Variants in ANKAR observed in about 807,000 individuals in gnomAD.
ANKAR encodes the protein ankyrin and armadillo repeat-containing protein.
ANKAR carries 136 observed loss-of-function variants against 146.2 expected under a neutral mutation model. The observed-to-expected ratio is 0.93, with a 90% CI of 0.81 to 1.07. The LOEUF is 1.07. ANKAR is among the 50% of genes least tolerant of loss of function. ANKAR has a pLI of 0.00. For missense variants in ANKAR, 1,567 were observed against 1,679.9 expected (o/e 0.93, Z 1.18); for synonymous variants, 500 against 575.8 (o/e 0.87, Z 1.88).
downstream of ANKAR, among the ~76,000 whole-genome samples, chr2:189,748,034 G>A (rs528774724): frequency 1.3e-5 from 2 of 152,172 alleles, no homozygotes; most frequent in African/African-American, 4.8e-5. Flanking sequence ...TTGCTGAATT[G>A]CCTCCATACA....
intron 1 of ANKAR, chr2:189,676,138 T>C (rs918548051): frequency 4.8e-6 from 1 of 209,480 alleles, no homozygotes; most frequent in Admixed American, 5.2e-5. Flanking sequence ...AAAGAATGCC[T>C]CTCCAACAAC....
chr2:189,689,874 A>G lies in ANKAR; in HGVS notation c.949A>G (p.Lys317Glu). ...KDIRRGIGYL[K>E]LICFLIPFLL... ...TATCAGAAGAGGGATAGGATACCTAAAGTTAATATGTTTTCTGATTCCATT... is the reference window on the plus strand; with the variant it reads ...TATCAGAAGAGGGATAGGATACCTAGAGTTAATATGTTTTCTGATTCCATT... The change falls in exon 3 of 23, where the codon AAG becomes GAG. Residue 317 changes from lysine to glutamate, a missense_variant. Physicochemically the swap from Lys to Glu is moderately conservative, Grantham distance 56. Transcript: ENST00000684021. The G allele has an allele frequency of 6.3e-7, 1 of 1,591,244 alleles. No individual in the cohort carries two copies. Among genetic ancestry groups the G allele is most frequent in the Non-Finnish European group, 8.5e-7 (1 of 1,172,330 alleles).
chr2:189,700,463 A>G (rs1348531927), intron 7 of ANKAR, among the ~76,000 whole-genome samples: 1 of 152,176 alleles, frequency 6.6e-6, no homozygotes, highest in African/African-American at 2.4e-5. Context: ...AGATTTTTTG[A>G]TACAGGCATG....
intron 2 of ANKAR, among the ~76,000 whole-genome samples, chr2:189,678,527 G>T (rs2034127816): frequency 6.6e-6 from 1 of 152,134 alleles, no homozygotes; most frequent in Admixed American, 6.5e-5. Flanking sequence ...ATGTCTAGAA[G>T]GGTTTGTCCG....
intron 2 of ANKAR, among the ~76,000 whole-genome samples, chr2:189,685,844 C>G (rs1357352323): frequency 1.3e-5 from 2 of 152,294 alleles, no homozygotes; most frequent in Non-Finnish European, 2.9e-5. Flanking sequence ...CTGCTCCTCC[C>G]AACCCTCAGC....
chr2:189,755,019 CT>C, intron 18 of ANKAR: 1 of 829,850 alleles, frequency 1.2e-6, no homozygotes, highest in East Asian at 2.7e-5. Context: ...TTGTGTACTA[CT>C]CTTTCTATTT....
chr2:189,755,048 A>AT, intron 18 of ANKAR: 10 of 1,170,994 alleles, frequency 8.5e-6, no homozygotes, highest in Non-Finnish European at 1.2e-5. Context: ...CCATATGTGA[A>AT]TTTTTTTCAG....
chr2:189,698,502 AT>A (rs1341978602), intron 7 of ANKAR, among the ~76,000 whole-genome samples: 1 of 152,190 alleles, frequency 6.6e-6, no homozygotes, highest in African/African-American at 2.4e-5. Flanking sequence ...CTTAACCTCA[AT>A]GTTGGATATG....
chr2:189,702,624 T>A (rs1261712702), intron 7 of ANKAR, among the ~76,000 whole-genome samples: 1 of 152,188 alleles, frequency 6.6e-6, no homozygotes, highest in Non-Finnish European at 1.5e-5. Context: ...TACTTGTTGT[T>A]AGGATGAAAT....
At chr2:189,699,369 A>G (rs544265060) in intron 7 of ANKAR, among the ~76,000 whole-genome samples, 1 of 152,202 alleles carries the variant, frequency 6.6e-6, no homozygotes, top group African/African-American at 2.4e-5. Flanking sequence ...CTATCTTAGC[A>G]TATTCATTAT....
intron 17 of ANKAR, 119 bp downstream of exon 17, chr2:189,733,348 TA>T (rs1349130417): frequency 2.3e-6 from 2 of 876,930 alleles, no homozygotes; most frequent in African/African-American, 3.4e-5. Context: ...AAAAGACATG[TA>T]AAAGATCTCT....
intron 7 of ANKAR, among the ~76,000 whole-genome samples, chr2:189,696,761 C>T (rs1227787844): frequency 6.6e-6 from 1 of 152,124 alleles, no homozygotes; most frequent in African/African-American, 2.4e-5. Context: ...AATTAATATA[C>T]ACTGATATAC....
At chr2:189,738,765 A>G in intron 19 of ANKAR, 83 bp downstream of exon 19, 1 of 818,296 alleles carries the variant, frequency 1.2e-6, no homozygotes, top group Non-Finnish European at 1.9e-6. Flanking sequence ...ATAATAAAAT[A>G]ATACGCCTGA....
At chr2:189,725,456 A>G (rs2041776848) in intron 12 of ANKAR, among the ~76,000 whole-genome samples, 1 of 152,138 alleles carries the variant, frequency 6.6e-6, no homozygotes, top group South Asian at 2.1e-4. Flanking sequence ...AGGGGCAGAG[A>G]AGGTATATGG....
intron 17 of ANKAR, among the ~76,000 whole-genome samples, chr2:189,734,387 T>G (rs1369157967): frequency 6.6e-6 from 1 of 152,246 alleles, no homozygotes; most frequent in Non-Finnish European, 1.5e-5. Flanking sequence ...CGTTTATTAG[T>G]TGGTATTCAA....
intron 12 of ANKAR, among the ~76,000 whole-genome samples, chr2:189,727,497 C>T (rs1225086): frequency 0.014 from 1,601 of 110,808 alleles, 42 homozygotes; most frequent in African/African-American, 0.054. Flanking sequence ...GCACTCCAGC[C>T]TGGGTGATAG....
rs150498189 is a variant in ANKAR at position 189,728,744 on chromosome 2, T to C, written c.3116T>C (p.Val1039Ala). ...GAAGGGAATGGAATTGCACCATTGG[T>C]TCGCTTACTAAGAATTAGTACGATT... ...ICEGNGIAPL[V>A]RLLRISTIAE... Residue 1039 changes from valine (V) to alanine (A), a missense_variant, in exon 15 of 23, where the codon GTT becomes GCT. Transcript: ENST00000684021. The C allele has an allele frequency of 3.3e-3, 5,340 of 1,614,094 alleles. 20 individuals are homozygous for C. Among genetic ancestry groups the C allele is most frequent in the South Asian group, 6.2e-3 (562 of 91,086 alleles).
chr2:189,729,695 C>T (rs10048835), intron 15 of ANKAR, among the ~76,000 whole-genome samples: 12 of 94,234 alleles, frequency 1.3e-4, no homozygotes, highest in East Asian at 8.3e-4. Flanking sequence ...ATCAGCTGTG[C>T]GTGTGTGTGT....
rs1156745789 is a variant in ANKAR, at chr2:189,690,637, T to A, written c.1039+673T>A. 2.0e-5 allele frequency among the ~76,000 whole-genome samples: 3 copies of A among 152,196 alleles called. No individual in the cohort carries two copies. In the East Asian group the frequency reaches 5.8e-4, roughly 29 times the overall value. ...ATGGGCTTTCTATTCAGATGGCAAATTTTCAGCAGAAATTTTGCAAATCCT... is the reference window on the plus strand; with the variant it reads ...ATGGGCTTTCTATTCAGATGGCAAAATTTCAGCAGAAATTTTGCAAATCCT... On this transcript the variant is annotated intron_variant, in intron 3 of 22. Transcript: ENST00000684021.
Sources: allele counts gnomAD v4.1 joint callset (sites outside exome capture counted in the v4.1 genomes callset), GRCh38; gene constraint gnomAD v4.1.1; transcripts MANE v1.5; gene names NCBI Gene and HGNC (gene_info 2026-07-23, HGNC 2026-07-21).